The following CAMKMT variants were observed in gnomAD, a reference collection of about 807,000 sequenced individuals.
CAMKMT encodes calmodulin-lysine N-methyltransferase.
In CAMKMT, 53 loss-of-function variants were observed where a neutral mutation model predicts 48.0. The ratio of observed to expected loss-of-function variants is 1.10; its 90% confidence interval spans 0.89 to 1.39. The LOEUF is 1.39. CAMKMT is among the 40% of genes most tolerant of loss of function. The pLI is 0.00. For missense variants in CAMKMT, 428 were observed against 402.7 expected (o/e 1.06, Z -0.54); for synonymous variants, 165 against 152.3 (o/e 1.08, Z -0.61).
chr2:44,365,598 A>C (rs527422836), intron 1 of CAMKMT, among the ~76,000 whole-genome samples: 2 of 152,148 alleles, frequency 1.3e-5, no homozygotes, highest in Non-Finnish European at 2.9e-5. Flanking sequence ...CCAACATCCA[A>C]ATCATTTCCT....
rs3083440 is a variant in CAMKMT, at chr2:44,614,936, C to CTTTTTTTTTTTTTTTTTTTTT, written c.377-89343_377-89323dup. Among the ~76,000 whole-genome samples, 97 of 48,990 alleles carry CTTTTTTTTTTTTTTTTTTTTT rather than the reference C, an allele frequency of 2.0e-3. 27 individuals carry two copies. Among genetic ancestry groups the CTTTTTTTTTTTTTTTTTTTTT allele is most frequent in the African/African-American group, 3.4e-3 (33 of 9,642 alleles). The allele number at this position is 48,990 out of a possible 152,430, so 32.1% of individuals were successfully genotyped here. On this transcript the variant is annotated intron_variant, in intron 3 of 10. Transcript: ENST00000378494. The stretch of plus-strand genomic sequence containing the variant: ...TCTAACCAGCTCTTTGGTCTCCTTG[C>CTTTTTTTTTTTTTTTTTTTTT]TTTTTTTTTTTTTTTTTTTTTTTTG...
At chr2:44,571,266 T>C (rs1477035351) in intron 3 of CAMKMT, among the ~76,000 whole-genome samples, 3 of 152,204 alleles carry the variant, frequency 2.0e-5, no homozygotes, top group Non-Finnish European at 4.4e-5. Flanking sequence ...TTGTTGTGTT[T>C]GTTTTCCACA....
At chr2:44,611,139 T>C (rs1403188532) in intron 3 of CAMKMT, among the ~76,000 whole-genome samples, 1 of 151,852 alleles carries the variant, frequency 6.6e-6, no homozygotes, top group Admixed American at 6.6e-5. Context: ...ATTTAAAGAG[T>C]ATCTACTCAG....
chr2:44,503,415 A>G (rs921267650), intron 3 of CAMKMT, among the ~76,000 whole-genome samples: 10 of 152,312 alleles, frequency 6.6e-5, no homozygotes, highest in African/African-American at 1.7e-4. Context: ...GACACACTCT[A>G]TCAGCAAGCC....
At chr2:44,696,482 C>A (rs1040852729) in intron 3 of CAMKMT, among the ~76,000 whole-genome samples, 7 of 151,942 alleles carry the variant, frequency 4.6e-5, no homozygotes, top group Non-Finnish European at 8.8e-5. Context: ...TAGTTATATC[C>A]CCATTTCAGG....
chr2:44,724,196 A>G (rs1421174255), intron 7 of CAMKMT, among the ~76,000 whole-genome samples: 2 of 152,194 alleles, frequency 1.3e-5, no homozygotes, highest in East Asian at 3.9e-4. Flanking sequence ...GCTTGAGGCC[A>G]GGAGTTCAAA....
intron 3 of CAMKMT, among the ~76,000 whole-genome samples, chr2:44,573,160 A>G (rs1232297751): frequency 6.6e-6 from 1 of 151,106 alleles, no homozygotes; most frequent in African/African-American, 2.4e-5. Flanking sequence ...ACTGTTAGTA[A>G]TAGTAATCTT....
intron 3 of CAMKMT, among the ~76,000 whole-genome samples, chr2:44,587,998 T>C (rs1379994982): frequency 2.1e-3 from 257 of 122,368 alleles, no homozygotes; most frequent in African/African-American, 8.1e-3. Flanking sequence ...GTGAGGAGCG[T>C]CTCTGCCCGG....
At chr2:44,648,939 C>A (rs1673905922) in intron 3 of CAMKMT, among the ~76,000 whole-genome samples, 1 of 152,174 alleles carries the variant, frequency 6.6e-6, no homozygotes, top group Admixed American at 6.5e-5. Context: ...CTACTATAAA[C>A]CCTTTCTTTA....
intron 3 of CAMKMT, among the ~76,000 whole-genome samples, chr2:44,664,939 C>T (rs181105418): frequency 6.6e-6 from 1 of 152,264 alleles, no homozygotes; most frequent in East Asian, 1.9e-4. Flanking sequence ...AGAGTAGATA[C>T]TGGAAGGGCC....
In CAMKMT at chr2:44,455,142, A is replaced by G. The variant is rs146459407; in HGVS notation, c.376+64837A>G. Among the ~76,000 whole-genome samples, 182 of 152,298 alleles carry G rather than the reference A, an allele frequency of 1.2e-3. 1 individual carries two copies. Among genetic ancestry groups the G allele is most frequent in the African/African-American group, 4.2e-3 (175 of 41,568 alleles). On this transcript the variant is annotated intron_variant, in intron 3 of 10. Coordinates refer to ENST00000378494, the MANE Select transcript of CAMKMT (RefSeq NM_024766.5). ...TTGAGAAGAAATTCATGGTACCCAC[A>G]TACTGGGTTAACAAAATAATTAGTC...
intron 3 of CAMKMT, among the ~76,000 whole-genome samples, chr2:44,554,168 A>G (rs1332409325): frequency 1.3e-5 from 2 of 152,218 alleles, no homozygotes; most frequent in Non-Finnish European, 2.9e-5. Context: ...TAAGAATTAG[A>G]CATTCAAAGA....
At chr2:44,492,526 G>T (rs2104716768) in intron 3 of CAMKMT, among the ~76,000 whole-genome samples, 1 of 152,214 alleles carries the variant, frequency 6.6e-6, no homozygotes, top group South Asian at 2.1e-4. Context: ...ATGTAGGTAA[G>T]GTGTTTTGCA....
chr2:44,515,784 C>T (rs547257000), intron 3 of CAMKMT, among the ~76,000 whole-genome samples: 2 of 152,300 alleles, frequency 1.3e-5, no homozygotes, highest in South Asian at 4.1e-4. Context: ...CTGTCTTCTT[C>T]TTTGTCCAAC....
chr2:44,577,508 A>G (rs1476768586), intron 3 of CAMKMT, among the ~76,000 whole-genome samples: 2 of 152,124 alleles, frequency 1.3e-5, no homozygotes, highest in African/African-American at 4.8e-5. Flanking sequence ...AGTGGCAGCT[A>G]CCTGGGAGGC....
intron 3 of CAMKMT, among the ~76,000 whole-genome samples, chr2:44,644,808 C>T (rs1673644578): frequency 6.6e-6 from 1 of 152,066 alleles, no homozygotes; most frequent in African/African-American, 2.4e-5. Flanking sequence ...TGTATGTGCA[C>T]TGAACAACTT....
At chr2:44,390,742 A>G (rs1329493872) in intron 3 of CAMKMT, among the ~76,000 whole-genome samples, 1 of 152,164 alleles carries the variant, frequency 6.6e-6, no homozygotes, top group Non-Finnish European at 1.5e-5. Context: ...AACCCAGAAC[A>G]TATTTTTCTT....
intron 9 of CAMKMT, among the ~76,000 whole-genome samples, chr2:44,765,648 G>A (rs1680811517): frequency 6.6e-6 from 1 of 152,042 alleles, no homozygotes; most frequent in African/African-American, 2.4e-5. Flanking sequence ...ATGTCAGATG[G>A]TCTTCTGAAA....
At chr2:44,709,622 T>G (rs1001984641) in intron 6 of CAMKMT, among the ~76,000 whole-genome samples, 4 of 152,196 alleles carry the variant, frequency 2.6e-5, no homozygotes, top group African/African-American at 9.6e-5. Flanking sequence ...TGAATGATTT[T>G]TTTTTCTATT....
Sources: gnomAD v4.1 joint callset for allele counts (sites outside exome capture counted in the v4.1 genomes callset) on GRCh38, gnomAD v4.1.1 for gene constraint, MANE v1.5 for transcripts, NCBI Gene and HGNC (gene_info 2026-07-23, HGNC 2026-07-21) for gene names.